GPC5: variants seen among roughly 807,000 people sequenced by gnomAD.
The protein encoded by GPC5 is glypican-5.
A neutral mutation model predicts 53.9 loss-of-function variants in GPC5; 47 were observed. The ratio of observed to expected loss-of-function variants is 0.87; its 90% confidence interval spans 0.69 to 1.11. GPC5 has a LOEUF of 1.11. Ranked by LOEUF, GPC5 falls within the 50% of genes most tolerant of loss-of-function variation. The pLI is 0.00. For synonymous variants in GPC5, 286 were observed against 263.3 expected, an observed-to-expected ratio of 1.09 and a Z score of -0.84; for missense variants, 748 against 713.1, an observed-to-expected ratio of 1.05 and a Z score of -0.56.
chr13:92,046,739 T>A (rs901218414), intron 6 of GPC5, among the ~76,000 whole-genome samples: 1 of 152,134 alleles, frequency 6.6e-6, no homozygotes, highest in Non-Finnish European at 1.5e-5. Context: ...AAATAAACCA[T>A]AGAGTTAATG....
intron 7 of GPC5, among the ~76,000 whole-genome samples, chr13:92,354,634 TAAGA>T (rs2043507521): frequency 6.6e-6 from 1 of 152,174 alleles, no homozygotes; most frequent in Non-Finnish European, 1.5e-5. Context: ...TAGATACTGG[TAAGA>T]TTCAAAAGAG....
intron 5 of GPC5, among the ~76,000 whole-genome samples, chr13:91,769,661 T>C (rs1485604315): frequency 6.6e-6 from 1 of 152,174 alleles, no homozygotes; most frequent in East Asian, 1.9e-4. Context: ...TTGTCTGGAA[T>C]GAGACTGTAG....
intron 7 of GPC5, among the ~76,000 whole-genome samples, chr13:92,205,362 T>C (rs2042326280): frequency 6.6e-6 from 1 of 152,174 alleles, no homozygotes; most frequent in Non-Finnish European, 1.5e-5. Flanking sequence ...CAGGTCTCCA[T>C]CATGCCCCTC....
At chr13:92,545,666 G>T (rs1021575338) in intron 7 of GPC5, among the ~76,000 whole-genome samples, 6 of 152,096 alleles carry the variant, frequency 3.9e-5, no homozygotes, top group African/African-American at 1.4e-4. Context: ...TTCTCTGATG[G>T]CCAGTGATCA....
At chr13:91,583,086 A>G (rs1339944592) in intron 2 of GPC5, among the ~76,000 whole-genome samples, 1 of 152,214 alleles carries the variant, frequency 6.6e-6, no homozygotes, top group Non-Finnish European at 1.5e-5. Context: ...AAAGATAGCT[A>G]TAAAGGAATC....
intron 7 of GPC5, among the ~76,000 whole-genome samples, chr13:92,308,145 T>G (rs2043123071): frequency 6.6e-6 from 1 of 152,224 alleles, no homozygotes; most frequent in Non-Finnish European, 1.5e-5. Context: ...GCCGTGATTT[T>G]CTATTACTAC....
At chr13:91,938,912 G>T (rs928482232) in intron 6 of GPC5, among the ~76,000 whole-genome samples, 3 of 151,956 alleles carry the variant, frequency 2.0e-5, no homozygotes, top group African/African-American at 7.2e-5. Context: ...TAATGAAAAA[G>T]AATATCTTTA....
At chr13:92,684,100 C>G (rs1205210574) in intron 7 of GPC5, among the ~76,000 whole-genome samples, 1 of 152,028 alleles carries the variant, frequency 6.6e-6, no homozygotes, top group East Asian at 1.9e-4. Flanking sequence ...AGGGGCCCCT[C>G]GAAATGACTG....
At chr13:92,443,067 A>G (rs1337561447) in intron 7 of GPC5, among the ~76,000 whole-genome samples, 1 of 152,184 alleles carries the variant, frequency 6.6e-6, no homozygotes, top group Non-Finnish European at 1.5e-5. Flanking sequence ...GAAGCATGGC[A>G]CCAGCATCTG....
intron 7 of GPC5, among the ~76,000 whole-genome samples, chr13:92,561,260 A>G (rs918841253): frequency 6.6e-6 from 1 of 152,006 alleles, no homozygotes; most frequent in African/African-American, 2.4e-5. Flanking sequence ...CCTTGCCAAG[A>G]TAATGTAAAT....
At chr13:91,946,535 A>G (rs1399485650) in intron 6 of GPC5, among the ~76,000 whole-genome samples, 2 of 152,168 alleles carry the variant, frequency 1.3e-5, no homozygotes, top group African/African-American at 2.4e-5. Flanking sequence ...CCCAACATCT[A>G]CAGAAGCTTT....
intron 7 of GPC5, among the ~76,000 whole-genome samples, chr13:92,728,731 T>G (rs947075452): frequency 2.0e-5 from 3 of 151,426 alleles, no homozygotes; most frequent in Non-Finnish European, 3.0e-5. Context: ...AATGCCAACT[T>G]TGACATTTCT....
Position 92,480,862 on chromosome 13 carries a change from A to G in GPC5, c.1561+335873A>G, listed in dbSNP as rs113559269. The stretch of plus-strand genomic sequence containing the variant: ...TCATAAGAGTTGAGTGAGCCAGGAG[A>G]TTTGGCGAGGGAGGTGTGACCCTGG... On this transcript the variant is annotated intron_variant, in intron 7 of 7. Coordinates refer to ENST00000377067, the MANE Select transcript of GPC5 (RefSeq NM_004466.6). 6.2e-3 allele frequency among the ~76,000 whole-genome samples: 950 copies of G among 152,212 alleles called. 12 individuals are homozygous for G. Among genetic ancestry groups the G allele is most frequent in the African/African-American group, 0.022 (927 of 41,518 alleles).
chr13:92,507,283 T>C (rs941200477), intron 7 of GPC5, among the ~76,000 whole-genome samples: 1 of 152,206 alleles, frequency 6.6e-6, no homozygotes, highest in Non-Finnish European at 1.5e-5. Context: ...CAAGGAATTT[T>C]TTCTCATCTA....
chr13:92,840,118 T>C (rs1379293878), intron 7 of GPC5, among the ~76,000 whole-genome samples: 1 of 128,568 alleles, frequency 7.8e-6, no homozygotes, highest in Non-Finnish European at 1.6e-5. Context: ...TATATATATA[T>C]ATATATGAGT....
intron 6 of GPC5, among the ~76,000 whole-genome samples, chr13:92,042,880 A>C (rs1594740551): frequency 6.6e-6 from 1 of 152,208 alleles, no homozygotes; most frequent in Admixed American, 6.5e-5. Flanking sequence ...TCTAATGACA[A>C]TGTCTCATCA....
chr13:92,022,785 T>C (rs1298093676), intron 6 of GPC5, among the ~76,000 whole-genome samples: 3 of 151,962 alleles, frequency 2.0e-5, no homozygotes, highest in African/African-American at 4.8e-5. Flanking sequence ...CATTCCTTTA[T>C]AGAATGTTGT....
intron 6 of GPC5, among the ~76,000 whole-genome samples, chr13:92,000,293 A>T (rs2040542972): frequency 6.6e-6 from 1 of 152,020 alleles, no homozygotes; most frequent in Non-Finnish European, 1.5e-5. Flanking sequence ...CTATATTTGG[A>T]TAGAGGAAAA....
At chr13:92,198,348 T>G (rs1185101615) in intron 7 of GPC5, among the ~76,000 whole-genome samples, 2 of 152,188 alleles carry the variant, frequency 1.3e-5, no homozygotes, top group African/African-American at 4.8e-5. Flanking sequence ...CAATAAAAAT[T>G]TCTTCTGTTG....
Sources: allele counts gnomAD v4.1 joint callset (sites outside exome capture counted in the v4.1 genomes callset), GRCh38; gene constraint gnomAD v4.1.1; transcripts MANE v1.5; gene names NCBI Gene and HGNC (gene_info 2026-07-23, HGNC 2026-07-21).